The following NRXN3 variants were observed in gnomAD, a reference collection of about 807,000 sequenced individuals.
NRXN3 encodes the protein neurexin 3.
In NRXN3, 32 loss-of-function variants were observed where a neutral mutation model predicts 137.6. The observed-to-expected ratio is 0.23, with a 90% confidence interval of 0.18 to 0.31. NRXN3 has a LOEUF of 0.31. Ranked by LOEUF, NRXN3 falls within the 10% of genes least tolerant of loss-of-function variation. The pLI is 1.00. For missense variants in NRXN3, 1,574 were observed against 2,062.5 expected (o/e 0.76, Z 4.59); for synonymous variants, 798 against 784.5 (o/e 1.02, Z -0.29).
intron 15 of NRXN3, among the ~76,000 whole-genome samples, chr14:79,265,951 T>C (rs2078405824): frequency 6.6e-6 from 1 of 152,200 alleles, no homozygotes; most frequent in African/African-American, 2.4e-5. Context: ...AGGTGGGTGG[T>C]TGGCCAAGCA....
chr14:79,170,937 G>A (rs928779264), intron 15 of NRXN3, among the ~76,000 whole-genome samples: 4 of 152,008 alleles, frequency 2.6e-5, no homozygotes, highest in Non-Finnish European at 5.9e-5. Context: ...GGACTGTCAC[G>A]TCTCAAAATA....
At chr14:79,092,044 T>C (rs2049296747) in intron 15 of NRXN3, among the ~76,000 whole-genome samples, 1 of 152,180 alleles carries the variant, frequency 6.6e-6, no homozygotes, top group African/African-American at 2.4e-5. Flanking sequence ...TATTTTTCTG[T>C]TCGTCTATTG....
intron 15 of NRXN3, among the ~76,000 whole-genome samples, chr14:79,324,498 TAGAG>T (rs2090559585): frequency 6.6e-6 from 1 of 152,164 alleles, no homozygotes; most frequent in Non-Finnish European, 1.5e-5. Context: ...CTGGATCAAA[TAGAG>T]AGGCTTGTGA....
chr14:79,021,513 CCT>C (rs1439446816), intron 15 of NRXN3, among the ~76,000 whole-genome samples: 4 of 152,140 alleles, frequency 2.6e-5, no homozygotes, highest in African/African-American at 9.7e-5. Flanking sequence ...TTATTAAGTG[CCT>C]CTACTTACTT....
At chr14:79,440,815 T>G (rs1034596135) in intron 15 of NRXN3, among the ~76,000 whole-genome samples, 1 of 152,138 alleles carries the variant, frequency 6.6e-6, no homozygotes, top group Non-Finnish European at 1.5e-5. Flanking sequence ...CGGTAATATA[T>G]TTATTGGGTA....
At chr14:79,280,842 C>G (rs1441594873) in intron 15 of NRXN3, 2 of 324,814 alleles carry the variant, frequency 6.2e-6, no homozygotes, top group African/African-American at 4.2e-5. Context: ...TCTCCACCCC[C>G]ACGGAGACAG....
intron 8 of NRXN3, among the ~76,000 whole-genome samples, chr14:78,776,877 C>G (rs995464150): frequency 1.3e-5 from 2 of 152,104 alleles, no homozygotes; most frequent in African/African-American, 4.8e-5. Flanking sequence ...TTGCTGGGTC[C>G]CATCCTAAGA....
intron 4 of NRXN3, among the ~76,000 whole-genome samples, chr14:78,493,592 A>G (rs1413843297): frequency 6.6e-6 from 1 of 152,058 alleles, no homozygotes. Flanking sequence ...GGAATGACAA[A>G]TAGATTTCAT....
At chr14:78,233,457 T>G (rs1453428324) in intron 1 of NRXN3, among the ~76,000 whole-genome samples, 3 of 152,128 alleles carry the variant, frequency 2.0e-5, no homozygotes, top group Non-Finnish European at 4.4e-5. Context: ...TCCTCTGGAT[T>G]GTATTGTATT....
intron 20 of NRXN3, among the ~76,000 whole-genome samples, chr14:79,842,661 G>GAT (rs144575188): frequency 1.9e-4 from 29 of 151,558 alleles, no homozygotes; most frequent in African/African-American, 5.3e-4. Context: ...GATTCTATGA[G>GAT]ATATATATAT....
intron 16 of NRXN3, among the ~76,000 whole-genome samples, chr14:79,571,781 CT>C (rs1320162807): frequency 6.6e-6 from 1 of 152,074 alleles, no homozygotes; most frequent in Non-Finnish European, 1.5e-5. Flanking sequence ...TAGAAAATTT[CT>C]AATTATTGAG....
At chr14:79,610,368 T>C (rs2098083877) in intron 16 of NRXN3, among the ~76,000 whole-genome samples, 1 of 152,210 alleles carries the variant, frequency 6.6e-6, no homozygotes, top group South Asian at 2.1e-4. Context: ...CCTCATATGG[T>C]TATTTAAATT....
At chr14:79,299,574 T>A (rs2084791058) in intron 15 of NRXN3, among the ~76,000 whole-genome samples, 1 of 152,098 alleles carries the variant, frequency 6.6e-6, no homozygotes, top group African/African-American at 2.4e-5. Context: ...AGCTTCCTGT[T>A]ATGAAAATGG....
intron 1 of NRXN3, among the ~76,000 whole-genome samples, chr14:78,201,594 T>C (rs1214821640): frequency 6.6e-6 from 1 of 152,198 alleles, no homozygotes; most frequent in Non-Finnish European, 1.5e-5. Context: ...GGACTGGTTG[T>C]ACTCCCTTGG....
chr14:78,590,654 C>T (rs2097108181), intron 4 of NRXN3, among the ~76,000 whole-genome samples: 1 of 152,198 alleles, frequency 6.6e-6, no homozygotes, highest in Non-Finnish European at 1.5e-5. Context: ...TGGCTCATGC[C>T]TGTAATCCCA....
chr14:79,258,796 TACTC>T (rs1199052336), intron 15 of NRXN3, among the ~76,000 whole-genome samples: 1 of 152,170 alleles, frequency 6.6e-6, no homozygotes, highest in African/African-American at 2.4e-5. Flanking sequence ...CTAAAACAGA[TACTC>T]AGATAAAACA....
At chr14:79,018,208 C>A (rs1467628552) in intron 15 of NRXN3, among the ~76,000 whole-genome samples, 1 of 125,686 alleles carries the variant, frequency 8.0e-6, no homozygotes, top group Non-Finnish European at 1.6e-5. Context: ...TGTAGTGAGC[C>A]AAGATCATGC....
chr14:78,918,172 C>A (rs962140686), intron 10 of NRXN3, among the ~76,000 whole-genome samples: 3 of 149,896 alleles, frequency 2.0e-5, no homozygotes, highest in Admixed American at 2.0e-4. Flanking sequence ...GTAATCCCAG[C>A]TATTCAGGAG....
At chr14:79,367,623 G>A (rs574290049) in intron 15 of NRXN3, among the ~76,000 whole-genome samples, 1 of 152,120 alleles carries the variant, frequency 6.6e-6, no homozygotes, top group African/African-American at 2.4e-5. Context: ...GTCAGACACA[G>A]TGCCAAAGAT....
Sources: gnomAD v4.1 joint callset for allele counts (sites outside exome capture counted in the v4.1 genomes callset) on GRCh38, gnomAD v4.1.1 for gene constraint, MANE v1.5 for transcripts, NCBI Gene and HGNC (gene_info 2026-07-23, HGNC 2026-07-21) for gene names.